DNAH7: variants seen among roughly 807,000 people sequenced by gnomAD.
DNAH7 encodes dynein axonemal heavy chain 7, also known as axonemal beta dynein heavy chain 7.
In DNAH7, 397 loss-of-function variants were observed where a neutral mutation model predicts 444.6. The ratio of observed to expected loss-of-function variants is 0.89; its 90% CI spans 0.82 to 0.97. The LOEUF (loss-of-function observed/expected upper bound fraction) is 0.97, where lower values mean the gene tolerates loss of function less well. Ranked by LOEUF, DNAH7 falls within the 50% of genes least tolerant of loss-of-function variation. The pLI is 0.00. For synonymous variants in DNAH7, 1,636 were observed against 1,624.4 expected (o/e 1.01, Z -0.17); for missense variants, 4,902 against 4,800.8 (o/e 1.02, Z -0.62).
At chr2:195,973,024 G>A (rs62203370) in intron 15 of DNAH7, among the ~76,000 whole-genome samples, 17,767 of 152,212 alleles carry the variant, frequency 0.12, 1,333 homozygotes, top group African/African-American at 0.21. Context: ...GGTAGTTCCC[G>A]TATCTTGGAG....
At chr2:195,908,948 T>G (rs1687198587) in intron 25 of DNAH7, among the ~76,000 whole-genome samples, 1 of 152,206 alleles carries the variant, frequency 6.6e-6, no homozygotes, top group South Asian at 2.1e-4. Context: ...TCTATTTTGC[T>G]AGTTTGTTTA....
intron 45 of DNAH7, 124 bp from the exon 46 acceptor site, chr2:195,853,652 T>C (rs1699524017): frequency 1.0e-6 from 1 of 956,210 alleles, no homozygotes; most frequent in African/African-American, 1.7e-5. Context: ...GGATTTCCTA[T>C]ATCACTATGA....
intron 10 of DNAH7, among the ~76,000 whole-genome samples, chr2:196,004,479 A>T (rs1694238591): frequency 6.6e-6 from 1 of 152,238 alleles, no homozygotes; most frequent in African/African-American, 2.4e-5. Context: ...AGAAATTCAC[A>T]AATATGTCTA....
chr2:195,888,164 T>C, intron 33 of DNAH7, 94 bp downstream of exon 33: 2 of 1,036,282 alleles, frequency 1.9e-6, no homozygotes, highest in Non-Finnish European at 2.8e-6. Context: ...TAATATCTCT[T>C]AGCTGATAAT....
rs372339012 is a variant in DNAH7 at position 195,816,779 on chromosome 2, G to A, written c.9610C>T (p.Arg3204Cys). The change falls in exon 51 of 65, where the codon CGT becomes TGT. Residue 3204 changes from arginine to cysteine, a missense_variant. Arg to Cys is a radical substitution (Grantham distance 180). Coordinates refer to ENST00000312428, the MANE Select transcript of DNAH7 (RefSeq NM_018897.3). Reference protein sequence around the residue: ...KKIDTTRMGYRPIAIHSSILF... With the variant: ...KKIDTTRMGYCPIAIHSSILF... ...ATGGAAGAATGGATGGCAATAGGACGATAGCCCATGCGGGTGGTGTCAATC... is the reference window on the plus strand; with the variant it reads ...ATGGAAGAATGGATGGCAATAGGACAATAGCCCATGCGGGTGGTGTCAATC... The A allele has an allele frequency of 5.6e-5, 90 of 1,614,030 alleles. No homozygotes were observed. The highest frequency in any genetic ancestry group is 1.3e-4 in the Admixed American group (8 of 60,006).
At chr2:195,815,575 G>A (rs1220371757) in intron 51 of DNAH7, among the ~76,000 whole-genome samples, 2 of 152,170 alleles carry the variant, frequency 1.3e-5, no homozygotes, top group East Asian at 1.9e-4. Flanking sequence ...ATTAAATTGA[G>A]TTTCCCTTGT....
At chr2:196,010,309 C>T (rs1694653185) in intron 10 of DNAH7, among the ~76,000 whole-genome samples, 1 of 151,998 alleles carries the variant, frequency 6.6e-6, no homozygotes, top group Non-Finnish European at 1.5e-5. Flanking sequence ...GCCACCACAC[C>T]CTGCTAATTT....
chr2:195,833,919 T>C (rs1354211322), intron 48 of DNAH7, among the ~76,000 whole-genome samples: 1 of 152,178 alleles, frequency 6.6e-6, no homozygotes, highest in Non-Finnish European at 1.5e-5. Flanking sequence ...CACACCTGGC[T>C]AATGTCTGTA....
At chr2:195,910,300 C>T (rs1463471087) in intron 24 of DNAH7, 105 bp from the exon 25 acceptor site, 3 of 891,156 alleles carry the variant, frequency 3.4e-6, no homozygotes, top group Non-Finnish European at 4.9e-6. Flanking sequence ...CCTCCAGCTT[C>T]CTCTTTGATA....
chr2:195,990,811 G>A lies in DNAH7; in HGVS notation c.1354-2582C>T, dbSNP rs397872905. On this transcript the variant is annotated intron_variant, in intron 12 of 64. Coordinates refer to ENST00000312428, the MANE Select transcript of DNAH7 (RefSeq NM_018897.3). ...TGTGTGTGTGTGTGTGTGTGTGTGT[G>A]TATATATATATACTTAAATATATAT... 2.5e-3 allele frequency among the ~76,000 whole-genome samples: 204 copies of A among 80,052 alleles called. 1 individual carries two copies. The highest frequency in any genetic ancestry group is 0.012 in the East Asian group (34 of 2,728). The allele number at this position is 80,052 out of a possible 152,430, so 52.5% of individuals were successfully genotyped here.
chr2:196,000,703 C>T lies in DNAH7; in HGVS notation c.1353+1G>A, dbSNP rs757934483. ...GCAATCTTAATATCCTTGTTACTTA[C>T]CCACTTGGAATACAATTTTGTCTCA... is the stretch of plus-strand genomic sequence containing the variant. On this transcript the variant is annotated splice_donor_variant, in intron 12 of 64. Transcript: ENST00000312428. LOFTEE classifies it high-confidence loss of function. 1.3e-6 allele frequency: 2 copies of T among 1,546,174 alleles called. No homozygotes were observed. The highest frequency in any genetic ancestry group is 8.7e-7 in the Non-Finnish European group (1 of 1,145,218).
At chr2:196,015,338 CG>C (rs906483089) in intron 9 of DNAH7, among the ~76,000 whole-genome samples, 12 of 151,972 alleles carry the variant, frequency 7.9e-5, no homozygotes, top group South Asian at 2.1e-4. Flanking sequence ...GTGTGCTGTA[CG>C]GTAAATCAAT....
intron 47 of DNAH7, among the ~76,000 whole-genome samples, chr2:195,834,891 C>A (rs1698260677): frequency 6.6e-6 from 1 of 152,208 alleles, no homozygotes; most frequent in Non-Finnish European, 1.5e-5. Flanking sequence ...AATTTTATAT[C>A]ATCTGAACTT....
Position 195,861,815 on chromosome 2 carries a change from T to C in DNAH7, c.7638A>G (p.Lys2546=). 6.2e-7 allele frequency: 1 copy of C among 1,613,648 alleles called. No homozygotes were observed. The change falls in exon 42 of 65, where the codon AAA becomes AAG. Residue 2546 remains lysine (K), a synonymous_variant. Coordinates refer to ENST00000312428, the MANE Select transcript of DNAH7 (RefSeq NM_018897.3). ...SFHTSTIDLS[K]SFFVELQRYN... ...ATCTTTGAAGTTCAACAAAGAAAGA[T>C]TTGGATAAATCTATAGTAGAAGTGT... is the stretch of plus-strand genomic sequence containing the variant.
chr2:196,000,663 A>G (rs755273937), intron 12 of DNAH7, 41 bp downstream of exon 12: 6 of 1,409,504 alleles, frequency 4.3e-6, no homozygotes, highest in South Asian at 1.8e-5. Flanking sequence ...AGTGAATGTC[A>G]TTATGCAAAT....
At chr2:195,919,965 T>C (rs1020395753) in intron 24 of DNAH7, among the ~76,000 whole-genome samples, 1 of 152,016 alleles carries the variant, frequency 6.6e-6, no homozygotes, top group Non-Finnish European at 1.5e-5. Flanking sequence ...TGGCCAGAGG[T>C]ACAGATATGG....
intron 40 of DNAH7, 101 bp downstream of exon 40, chr2:195,872,149 A>G (rs1045709414): frequency 6.2e-6 from 6 of 969,104 alleles, no homozygotes; most frequent in African/African-American, 1.7e-5. Flanking sequence ...AACTGAATAT[A>G]TTTCAGCAAT....
chr2:195,991,160 T>C (rs1221573879), intron 12 of DNAH7, among the ~76,000 whole-genome samples: 4 of 151,794 alleles, frequency 2.6e-5, no homozygotes, highest in African/African-American at 9.7e-5. Flanking sequence ...ACATTACATA[T>C]TTTCTTTTTT....
At chr2:195,756,856 G>A (rs1208937282) in intron 61 of DNAH7, among the ~76,000 whole-genome samples, 6 of 152,034 alleles carry the variant, frequency 3.9e-5, no homozygotes, top group East Asian at 1.9e-4. Flanking sequence ...GCTGGGTGTG[G>A]TGGTGCACGC....
Sources: allele counts gnomAD v4.1 joint callset (sites outside exome capture counted in the v4.1 genomes callset), GRCh38; gene constraint gnomAD v4.1.1; transcripts MANE v1.5; gene names NCBI Gene and HGNC (gene_info 2026-07-23, HGNC 2026-07-21).